The following SMIM41 variants were observed in gnomAD, a reference collection of about 807,000 sequenced individuals.
The protein encoded by SMIM41 is small integral membrane protein 41.
Position 52,081,398 on chromosome 12 carries a change from C to T in SMIM41, c.*120+1217C>T, listed in dbSNP as rs943706846. On this transcript the variant is annotated intron_variant, in intron 1 of 2. Transcript: ENST00000546390. The surrounding 1 kb of genome is among the most constrained non-coding windows in gnomAD (Gnocchi z 4.1). ...GTGGGCAGGTGCAGCTAAGCAGCTG[C>T]GAAGCTAACGACAACGTGTGATCCC... Among the ~76,000 whole-genome samples the T allele has an allele frequency of 1.3e-5, 2 of 152,050 alleles. No individual in the cohort carries two copies. The highest frequency in any genetic ancestry group is 2.9e-5 in the Non-Finnish European group (2 of 67,984).
intron 2 of SMIM41, among the ~76,000 whole-genome samples, chr12:52,097,049 C>T (rs1413561560): frequency 6.6e-6 from 1 of 152,076 alleles, no homozygotes; most frequent in African/African-American, 2.4e-5. Context: ...AGATATATCT[C>T]CCAATTTCGC....
At chr12:52,103,187 C>A (rs142258107) in intron 2 of SMIM41, among the ~76,000 whole-genome samples, 1,621 of 151,728 alleles carry the variant, frequency 0.011, 28 homozygotes, top group African/African-American at 0.037. Flanking sequence ...ATTAGACGAG[C>A]GTGGTGGCGT....
chr12:52,081,015 T>A lies in SMIM41; in HGVS notation c.*120+834T>A, dbSNP rs1043310721. Among the ~76,000 whole-genome samples, 10 of 152,004 alleles carry A rather than the reference T, an allele frequency of 6.6e-5. No homozygotes were observed. The highest frequency in any genetic ancestry group is 2.0e-4 in the Admixed American group (3 of 15,266). On this transcript the variant is annotated intron_variant, in intron 1 of 2. Transcript: ENST00000546390. This position sits in a 1 kb window ranked among gnomAD's most constrained non-coding sequence, Gnocchi z 4.1. ...CTGCTCCGGGAAGTGGGGCTGAGGA[T>A]TTCCAGCTGTGGGGGCTCTGTCTGG... is the stretch of plus-strand genomic sequence containing the variant.
At chr12:52,090,014 G>A (rs1349919384) in intron 2 of SMIM41, among the ~76,000 whole-genome samples, 1 of 152,088 alleles carries the variant, frequency 6.6e-6, no homozygotes, top group Non-Finnish European at 1.5e-5. Flanking sequence ...GGGAAAGGCT[G>A]GAATTTTAAA....
chr12:52,084,398 A>C (rs369703645), intron 2 of SMIM41, among the ~76,000 whole-genome samples: 11 of 143,168 alleles, frequency 7.7e-5, no homozygotes, highest in African/African-American at 1.3e-4. Flanking sequence ...ACAAAAAAAA[A>C]CAAACAAAAA....
At chr12:52,105,699 G>C (rs1277846198) in intron 2 of SMIM41, among the ~76,000 whole-genome samples, 1 of 151,956 alleles carries the variant, frequency 6.6e-6, no homozygotes, top group African/African-American at 2.4e-5. Context: ...GTTGCAATGA[G>C]CTGAGATCAC....
chr12:52,100,830 T>C (rs989211486), intron 2 of SMIM41, among the ~76,000 whole-genome samples: 1 of 152,178 alleles, frequency 6.6e-6, no homozygotes, highest in African/African-American at 2.4e-5. Context: ...CATTGATTGC[T>C]GCTTTATTAC....
chr12:52,080,566 G>A (rs1939803506), intron 1 of SMIM41, among the ~76,000 whole-genome samples: 1 of 152,156 alleles, frequency 6.6e-6, no homozygotes, highest in Non-Finnish European at 1.5e-5. Context: ...TTCTTCCCTA[G>A]CCCCCACCCT....
intron 2 of SMIM41, among the ~76,000 whole-genome samples, chr12:52,096,542 G>T (rs962040912): frequency 2.7e-4 from 41 of 151,624 alleles, no homozygotes; most frequent in African/African-American, 9.4e-4. Context: ...TTAATATTAA[G>T]AAATAATTGA....
At chr12:52,091,533 C>T (rs535104889) in intron 2 of SMIM41, among the ~76,000 whole-genome samples, 3 of 152,326 alleles carry the variant, frequency 2.0e-5, no homozygotes, top group Admixed American at 6.5e-5. Context: ...CCACTATATT[C>T]GCTGGGAACT....
intron 2 of SMIM41, among the ~76,000 whole-genome samples, chr12:52,094,222 A>G (rs1940052751): frequency 7.0e-6 from 1 of 142,366 alleles, no homozygotes; most frequent in Admixed American, 7.1e-5. Flanking sequence ...TTGAGACGGC[A>G]TCTTTCTCTG....
intron 2 of SMIM41, among the ~76,000 whole-genome samples, chr12:52,097,032 G>A (rs1940109742): frequency 1.3e-5 from 2 of 152,200 alleles, no homozygotes; most frequent in South Asian, 4.2e-4. Context: ...TCCAAAGGTG[G>A]AGAGGAAGAT....
intron 2 of SMIM41, among the ~76,000 whole-genome samples, chr12:52,106,577 C>T (rs191560609): frequency 2.2e-3 from 331 of 152,238 alleles, no homozygotes; most frequent in Middle Eastern, 0.017. Context: ...CTCATGACCT[C>T]GTGATCTGCC....
intron 2 of SMIM41, among the ~76,000 whole-genome samples, chr12:52,086,124 A>AT (rs755674152): frequency 4.6e-5 from 7 of 152,120 alleles, no homozygotes; most frequent in Non-Finnish European, 7.4e-5. Flanking sequence ...GTGCTCAGGG[A>AT]TGGGGGAGGG....
At chr12:52,105,773 C>CA (rs1003615180) in intron 2 of SMIM41, among the ~76,000 whole-genome samples, 20 of 150,070 alleles carry the variant, frequency 1.3e-4, no homozygotes, top group East Asian at 7.8e-4. Context: ...AAAACAAAAA[C>CA]AAAAAAAAAC....
chr12:52,107,539 A>G lies in SMIM41; in HGVS notation c.*356A>G, dbSNP rs1940365787. 4 of 981,964 alleles carry G rather than the reference A, an allele frequency of 4.1e-6. No individual in the cohort carries two copies. The East Asian group carries it at 1.3e-4, about 32-fold the overall frequency. 60.8% of individuals were successfully genotyped at this position (981,964 alleles called of 1,614,324 possible). A position where few individuals can be genotyped will look rare whatever the true frequency, so the allele number is the denominator to read the frequency against. On this transcript the variant is annotated 3_prime_UTR_variant, in exon 3 of 3. Coordinates refer to ENST00000546390, the MANE Select transcript of SMIM41 (RefSeq NM_001369216.1). Reference sequence around the variant, plus strand: ...TTCCTCTCCAACCTGTCCTTGCCTGACATCGGTTTCACCTCCACCACGGTC... The same window carrying G: ...TTCCTCTCCAACCTGTCCTTGCCTGGCATCGGTTTCACCTCCACCACGGTC...
chr12:52,080,686 C>G (rs1406516390), intron 1 of SMIM41, among the ~76,000 whole-genome samples: 7 of 152,196 alleles, frequency 4.6e-5, no homozygotes, highest in African/African-American at 7.2e-5. Flanking sequence ...GCGGCTCCAG[C>G]CTTTGGCCTC....
chr12:52,102,764 T>G (rs1940243979), intron 2 of SMIM41, among the ~76,000 whole-genome samples: 1 of 152,136 alleles, frequency 6.6e-6, no homozygotes, highest in African/African-American at 2.4e-5. Context: ...GGAGGGAATG[T>G]AAAACCATGA....
At chr12:52,087,341 C>T (rs1014396980) in intron 2 of SMIM41, among the ~76,000 whole-genome samples, 5 of 152,244 alleles carry the variant, frequency 3.3e-5, no homozygotes, top group South Asian at 4.1e-4. Flanking sequence ...CCTCCGGTTA[C>T]TATCCTATGT....
Sources: gnomAD v4.1 joint callset for allele counts (sites outside exome capture counted in the v4.1 genomes callset) on GRCh38, gnomAD v4.1.1 for gene constraint, Gnocchi (gnomAD v3.1) non-coding constraint, MANE v1.5 for transcripts, NCBI Gene and HGNC (gene_info 2026-07-23, HGNC 2026-07-21) for gene names.